XKR6: variants seen among roughly 807,000 people sequenced by gnomAD.
XKR6 encodes XK-related protein 6.
A neutral mutation model predicts 56.7 loss-of-function variants in XKR6; 22 were observed. The ratio of observed to expected loss-of-function variants is 0.39; its 90% CI spans 0.28 to 0.55. The LOEUF is 0.55. Among genes scored for constraint, XKR6 ranks in the 20% least tolerant of loss-of-function variants. The pLI, the probability that XKR6 is intolerant of heterozygous loss-of-function variation, is 0.66. For missense variants in XKR6, 852 were observed against 889.0 expected (o/e 0.96, Z 0.53); for synonymous variants, 524 against 387.8 (o/e 1.35, Z -4.13).
rs181235397 is a variant in XKR6, at chr8:11,184,757, C to G, written c.764+15819G>C. Among the ~76,000 whole-genome samples the G allele has an allele frequency of 7.2e-5, 11 of 152,136 alleles. No homozygotes were observed. In the East Asian group the frequency reaches 2.1e-3, roughly 29 times the overall value. On this transcript the variant is annotated intron_variant, in intron 1 of 2. Transcript: ENST00000416569. ...ATGTTGTCCAGGCTGGTCTCAAACT[C>G]CTGGGCTCATGCAATCAACCCGCCT...
intron 1 of XKR6, among the ~76,000 whole-genome samples, chr8:10,951,954 C>T (rs532736791): frequency 3.8e-4 from 58 of 152,272 alleles, no homozygotes; most frequent in African/African-American, 1.4e-3. Context: ...CCACAGCCAG[C>T]CCCCTGCCCT....
chr8:11,118,395 C>T (rs951512077), intron 1 of XKR6, among the ~76,000 whole-genome samples: 3 of 152,204 alleles, frequency 2.0e-5, no homozygotes, highest in Non-Finnish European at 2.9e-5. Context: ...ACCAGCTCCT[C>T]CTTGTACCTC....
chr8:10,904,932 C>G (rs1800143633), intron 2 of XKR6, among the ~76,000 whole-genome samples: 1 of 152,318 alleles, frequency 6.6e-6, no homozygotes, highest in East Asian at 1.9e-4. Flanking sequence ...CTCAGCCCCA[C>G]CGCTAAGTCA....
chr8:11,074,196 C>T (rs976907278), intron 1 of XKR6, among the ~76,000 whole-genome samples: 1 of 152,206 alleles, frequency 6.6e-6, no homozygotes, highest in Non-Finnish European at 1.5e-5. Context: ...TGGGGCTGCT[C>T]TGTCTGCTCC....
At chr8:10,930,423 G>A (rs553553685) in intron 1 of XKR6, among the ~76,000 whole-genome samples, 1 of 152,174 alleles carries the variant, frequency 6.6e-6, no homozygotes, top group African/African-American at 2.4e-5. Flanking sequence ...AATAAAAAAG[G>A]AAGAAACACT....
intron 1 of XKR6, among the ~76,000 whole-genome samples, chr8:11,095,890 C>A (rs1051004290): frequency 2.0e-5 from 3 of 152,190 alleles, no homozygotes; most frequent in African/African-American, 4.8e-5. Context: ...AGTAATTCCA[C>A]TGTTTTCCAA....
chr8:10,979,346 A>C (rs1797672418), intron 1 of XKR6, among the ~76,000 whole-genome samples: 1 of 151,898 alleles, frequency 6.6e-6, no homozygotes. Context: ...ATGAGGAAGC[A>C]AGCAGAAGGC....
At chr8:10,995,345 T>C (rs1018418460) in intron 1 of XKR6, among the ~76,000 whole-genome samples, 1 of 149,776 alleles carries the variant, frequency 6.7e-6, no homozygotes, top group Non-Finnish European at 1.5e-5. Context: ...TGAAACCCTA[T>C]ATCACATATA....
At chr8:11,192,866 A>C (rs574011618) in intron 1 of XKR6, among the ~76,000 whole-genome samples, 1 of 152,310 alleles carries the variant, frequency 6.6e-6, no homozygotes, top group African/African-American at 2.4e-5. Context: ...TGAGAAAGTC[A>C]GGCACCTGCC....
rs1302879174 is a variant in XKR6 at position 11,201,753 on chromosome 8, G to C, written c.-414C>G. Among the ~76,000 whole-genome samples, 1 of 152,198 alleles carries C rather than the reference G, an allele frequency of 6.6e-6. No homozygotes were observed. The highest frequency in any genetic ancestry group is 1.5e-5 in the Non-Finnish European group (1 of 68,030). On this transcript the variant is annotated 5_prime_UTR_variant, in exon 1 of 3. Transcript: ENST00000416569. ...GAGGCGGTCCAAAGTGATCCCTGGA[G>C]GGGGCAGTGCCAGACGTTTTGGGGT...
chr8:11,150,204 G>T (rs2116971149), intron 1 of XKR6, among the ~76,000 whole-genome samples: 1 of 152,214 alleles, frequency 6.6e-6, no homozygotes, highest in South Asian at 2.1e-4. Flanking sequence ...AATGTTTTGT[G>T]TATTTCAAAG....
rs751165422 is a variant in XKR6, at chr8:10,898,785, G to A, written c.1093C>T (p.Leu365Phe). 3.1e-6 allele frequency: 5 copies of A among 1,614,056 alleles called. No individual in the cohort carries two copies. Among genetic ancestry groups the A allele is most frequent in the East Asian group, 4.5e-5 (2 of 44,882 alleles). The change falls in exon 3 of 3, where the codon CTC becomes TTC. Residue 365 changes from leucine (L) to phenylalanine (F), a missense_variant. By Grantham distance (22) the Leu-to-Phe change is conservative. Transcript: ENST00000416569. The surrounding 1 kb of genome is among the most constrained non-coding windows in gnomAD (Gnocchi z 6.6). ...RGAIIQVFWR[L>F]FTISSRVISF... is the part of the protein sequence containing the mutation. ...ATCACTCGGGATGAGATGGTGAAGA[G>A]GCGCCAGAAGACCTGGATGATGGCC...
At chr8:10,913,771 A>G (rs1800477387) in intron 2 of XKR6, among the ~76,000 whole-genome samples, 1 of 152,194 alleles carries the variant, frequency 6.6e-6, no homozygotes, top group African/African-American at 2.4e-5. Flanking sequence ...CCCAGGTGAC[A>G]GGAAGGCTGC....
chr8:10,998,081 G>A (rs1207683934), intron 1 of XKR6, among the ~76,000 whole-genome samples: 1 of 151,938 alleles, frequency 6.6e-6, no homozygotes, highest in Non-Finnish European at 1.5e-5. Flanking sequence ...GGGGATTGGG[G>A]GTCACCAGCT....
chr8:10,979,133 C>T (rs1797666330), intron 1 of XKR6, among the ~76,000 whole-genome samples: 1 of 151,876 alleles, frequency 6.6e-6, no homozygotes, highest in South Asian at 2.1e-4. Context: ...TGAGAAAGAG[C>T]TCACTGTCCC....
chr8:11,069,885 C>T (rs978866495), intron 1 of XKR6, among the ~76,000 whole-genome samples: 2 of 152,130 alleles, frequency 1.3e-5, no homozygotes, highest in Non-Finnish European at 2.9e-5. Context: ...GAAAAACTAT[C>T]GGAGTCAACC....
intron 1 of XKR6, among the ~76,000 whole-genome samples, chr8:11,032,836 G>A (rs1297927532): frequency 6.6e-6 from 1 of 152,220 alleles, no homozygotes; most frequent in Non-Finnish European, 1.5e-5. Flanking sequence ...CCACAAAGGT[G>A]TTGACACTGG....
intron 1 of XKR6, chr8:11,137,517 G>C (rs17152909): frequency 2.2e-6 from 1 of 455,714 alleles, no homozygotes. Flanking sequence ...CTAGGAGACG[G>C]CCAGGCAACT....
At chr8:10,975,303 C>A (rs563907468) in intron 1 of XKR6, among the ~76,000 whole-genome samples, 2 of 152,210 alleles carry the variant, frequency 1.3e-5, no homozygotes, top group African/African-American at 4.8e-5. Context: ...AGGCTTCGAG[C>A]GACTTCTCCA....
Sources: allele counts gnomAD v4.1 joint callset (sites outside exome capture counted in the v4.1 genomes callset), GRCh38; gene constraint gnomAD v4.1.1; non-coding constraint Gnocchi (gnomAD v3.1); transcripts MANE v1.5; gene names NCBI Gene and HGNC (gene_info 2026-07-23, HGNC 2026-07-21).